KLHL18: variants seen among roughly 807,000 people sequenced by gnomAD.
The protein encoded by KLHL18 is kelch-like protein 18.
KLHL18 carries 38 observed loss-of-function variants against 58.5 expected under a neutral mutation model. That is an observed-to-expected ratio of 0.65 (90% CI 0.50 to 0.85). KLHL18 has a LOEUF of 0.85. KLHL18 is among the 40% of genes least tolerant of loss of function. The probability of loss-of-function intolerance (pLI) is 0.00; values close to 1 mark genes in which losing one functional copy is unlikely to be tolerated. For synonymous variants in KLHL18, 303 were observed against 301.9 expected (o/e 1.00, Z -0.04); for missense variants, 624 against 778.4 (o/e 0.80, Z 2.36).
In KLHL18 at chr3:47,333,299, G is replaced by T. The variant is rs199973497; in HGVS notation, c.743G>T (p.Arg248Leu). The part of the protein sequence containing the change: ...SDRVQQDDLV[R>L]CCHKCRDLVD... Reference sequence around the variant, plus strand: ...AGAGTACAGCAGGATGACCTGGTGCGTTGCTGCCACAAATGCAGGTGAGTG... The same window carrying T: ...AGAGTACAGCAGGATGACCTGGTGCTTTGCTGCCACAAATGCAGGTGAGTG... Residue 248 changes from arginine (R) to leucine (L), a missense_variant, in exon 5 of 10, where the codon CGT becomes CTT. By Grantham distance (102) the Arg-to-Leu change is moderately radical. Transcript: ENST00000232766. 1.9e-6 allele frequency: 3 copies of T among 1,613,662 alleles called. No individual in the cohort carries two copies. Among genetic ancestry groups the T allele is most frequent in the South Asian group, 1.1e-5 (1 of 91,040 alleles).
intron 1 of KLHL18, among the ~76,000 whole-genome samples, chr3:47,302,825 A>G (rs1703056656): frequency 6.6e-6 from 1 of 152,240 alleles, no homozygotes; most frequent in African/African-American, 2.4e-5. Context: ...ATCATAGAAG[A>G]GTCCATGTCA....
At chr3:47,337,597 A>G (rs1035990053) in intron 7 of KLHL18, 3 of 152,272 alleles carry the variant, frequency 2.0e-5, no homozygotes, top group African/African-American at 7.2e-5. Flanking sequence ...TTGCTTTTAC[A>G]CATTGAGCTT....
intron 3 of KLHL18, among the ~76,000 whole-genome samples, chr3:47,324,277 CTTTTTTCTTTTTCTTTCTTTCTTT>C: frequency 2.2e-5 from 1 of 45,298 alleles, no homozygotes; most frequent in South Asian, 7.9e-4. Context: ...AAATGACTTC[CTTTTTTCTTTTTCTTTCTTTCTTT>C]TTTTTTTTTT....
At chr3:47,337,035 A>G (rs1277288203) in intron 7 of KLHL18, 4 of 373,212 alleles carry the variant, frequency 1.1e-5, no homozygotes, top group East Asian at 5.1e-5. Context: ...GGAAATGTGT[A>G]TTATGGAAGA....
chr3:47,307,596 C>G (rs1016799820), intron 1 of KLHL18, among the ~76,000 whole-genome samples: 2 of 150,218 alleles, frequency 1.3e-5, no homozygotes, highest in East Asian at 2.0e-4. Flanking sequence ...TGCCATGTTG[C>G]CCATGCCAAT....
At chr3:47,297,347 G>A (rs989327561) in intron 1 of KLHL18, among the ~76,000 whole-genome samples, 29 of 152,240 alleles carry the variant, frequency 1.9e-4, no homozygotes, top group African/African-American at 5.1e-4. Flanking sequence ...CTCTCTGTCC[G>A]TATTCTAGGC....
chr3:47,334,894 G>A lies in KLHL18; in HGVS notation c.898+75G>A. 6.8e-7 allele frequency: 1 copy of A among 1,478,312 alleles called. No individual in the cohort carries two copies. The highest frequency in any genetic ancestry group is 1.2e-5 in the South Asian group (1 of 80,324). 91.6% of individuals were successfully genotyped at this position (1,478,312 alleles called of 1,614,324 possible). ...AGGAAGCACCAGACAAATTAGCCTG[G>A]CCCTTCTGGTTTCTCTGTTTTGTAC... On this transcript the variant is annotated intron_variant, in intron 6 of 9. Transcript: ENST00000232766. The surrounding 1 kb of genome is among the most constrained non-coding windows in gnomAD (Gnocchi z 4.7).
chr3:47,305,484 ATT>A (rs1314149641), intron 1 of KLHL18, among the ~76,000 whole-genome samples: 2 of 151,818 alleles, frequency 1.3e-5, no homozygotes, highest in African/African-American at 4.8e-5. Context: ...GTATATAATT[ATT>A]TTTATATATT....
intron 1 of KLHL18, among the ~76,000 whole-genome samples, chr3:47,286,081 G>A (rs1450867151): frequency 6.6e-6 from 1 of 151,846 alleles, no homozygotes; most frequent in Non-Finnish European, 1.5e-5. Context: ...CAACTGAGAC[G>A]GTCAGCCCGA....
At chr3:47,319,847 G>T in intron 2 of KLHL18, 64 bp downstream of exon 2, 1 of 1,571,002 alleles carries the variant, frequency 6.4e-7, no homozygotes, top group Non-Finnish European at 8.7e-7. Context: ...CCTGTGCACG[G>T]TTCCGTTGAG....
chr3:47,336,613 G>A lies in KLHL18; in HGVS notation c.977G>A (p.Arg326His), dbSNP rs749787750. The change falls in exon 7 of 10, where the codon CGC becomes CAC. Residue 326 changes from arginine (R) to histidine (H), a missense_variant. Arg to His is a conservative substitution (Grantham distance 29). Transcript: ENST00000232766. ...WERCRPMTTARSRVGVAVVNG... is the reference protein window; with the variant it reads ...WERCRPMTTAHSRVGVAVVNG... ...AGATGCCGTCCCATGACAACAGCCC[G>A]CAGCCGCGTTGGCGTGGCTGTGGTG... is the stretch of plus-strand genomic sequence containing the variant. 1.1e-5 allele frequency: 17 copies of A among 1,614,086 alleles called. No homozygotes were observed. The highest frequency in any genetic ancestry group is 1.3e-5 in the Non-Finnish European group (15 of 1,180,018).
intron 3 of KLHL18, among the ~76,000 whole-genome samples, chr3:47,326,102 C>T (rs1202423189): frequency 6.6e-6 from 1 of 152,116 alleles, no homozygotes. Context: ...CGTGTGCCAC[C>T]ACACCCAGCT....
rs1348944183 is a variant in KLHL18 at position 47,343,979 on chromosome 3, C to T, written c.*38C>T. The T allele has an allele frequency of 3.1e-6, 5 of 1,596,308 alleles. No homozygotes were observed. Among genetic ancestry groups the T allele is most frequent in the Non-Finnish European group, 4.3e-6 (5 of 1,176,460 alleles). On this transcript the variant is annotated 3_prime_UTR_variant, in exon 10 of 10. Transcript: ENST00000232766. ...GATGTGGTGGGGCAGGGATCTGGTA[C>T]AGACATAGGCGCTTCCTTCCAGGAA...
chr3:47,295,873 C>A (rs141374434), intron 1 of KLHL18, among the ~76,000 whole-genome samples: 1 of 152,124 alleles, frequency 6.6e-6, no homozygotes, highest in African/African-American at 2.4e-5. Flanking sequence ...CCGGCCCCTT[C>A]AAAGTTTTCT....
intron 3 of KLHL18, among the ~76,000 whole-genome samples, chr3:47,329,149 A>G (rs1703792598): frequency 8.4e-5 from 1 of 11,842 alleles, no homozygotes; most frequent in South Asian, 0.071. Context: ...AAAAAGGAAA[A>G]AAAAAGACAA....
At chr3:47,288,610 A>G (rs968756867) in intron 1 of KLHL18, among the ~76,000 whole-genome samples, 1 of 152,216 alleles carries the variant, frequency 6.6e-6, no homozygotes, top group South Asian at 2.1e-4. Flanking sequence ...ACCTAGGCTT[A>G]ATTTCCTTTT....
chr3:47,286,745 G>C (rs911200457), intron 1 of KLHL18, among the ~76,000 whole-genome samples: 3 of 152,202 alleles, frequency 2.0e-5, no homozygotes, highest in African/African-American at 7.2e-5. Context: ...AAAGTCCGTA[G>C]ATCTTCCTCC....
At position 47,340,622 on chromosome 3, in the gene KLHL18, A is replaced by C. The variant is rs769119690; in HGVS notation, c.1172A>C (p.Tyr391Ser). ...GGGCAGATCTACGTCTGTGGGGGCT[A>C]CGATGGCAACTCTTCCCTCAGCTCC... is the stretch of plus-strand genomic sequence containing the variant. ...LDGQIYVCGGYDGNSSLSSVE... is the reference protein window; with the variant it reads ...LDGQIYVCGGSDGNSSLSSVE... The change falls in exon 8 of 10, where the codon TAC (tyrosine) becomes TCC (serine). Residue 391 changes from tyrosine (Y) to serine (S), a missense_variant. Physicochemically the swap from Tyr to Ser is moderately radical, Grantham distance 144. Transcript: ENST00000232766. 6.2e-7 allele frequency: 1 copy of C among 1,614,094 alleles called. No homozygotes were observed. Among genetic ancestry groups the C allele is most frequent in the Non-Finnish European group, 8.5e-7 (1 of 1,179,990 alleles).
intron 1 of KLHL18, among the ~76,000 whole-genome samples, chr3:47,314,500 T>C (rs1703376940): frequency 6.6e-6 from 1 of 151,810 alleles, no homozygotes; most frequent in African/African-American, 2.4e-5. Flanking sequence ...TCTTTTTTTT[T>C]TTCTTCCTTT....
Sources: allele counts gnomAD v4.1 joint callset (sites outside exome capture counted in the v4.1 genomes callset), GRCh38; gene constraint gnomAD v4.1.1; non-coding constraint Gnocchi (gnomAD v3.1); transcripts MANE v1.5; gene names NCBI Gene and HGNC (gene_info 2026-07-23, HGNC 2026-07-21).